The following KLC4 variants were observed in gnomAD, a reference collection of about 807,000 sequenced individuals.
KLC4 encodes kinesin-like protein 8.
KLC4 carries 49 observed loss-of-function variants against 77.2 expected under a neutral mutation model. The observed-to-expected ratio is 0.63, with a 90% confidence interval of 0.50 to 0.80. The LOEUF (loss-of-function observed/expected upper bound fraction) is 0.80. KLC4 is among the 30% of genes least tolerant of loss of function. The pLI is 0.00. For missense variants in KLC4, 669 were observed against 793.5 expected (o/e 0.84, Z 1.89); for synonymous variants, 274 against 314.5 (o/e 0.87, Z 1.36).
intron 8 of KLC4, 32 bp downstream of exon 8, chr6:43,070,897 A>C: frequency 4.0e-6 from 2 of 504,046 alleles, no homozygotes; most frequent in East Asian, 6.9e-5. Flanking sequence ...AGGTGGAAGA[A>C]ACGGAGAGGG....
chr6:43,066,231 A>G, intron 4 of KLC4, 75 bp from the exon 5 acceptor site: 2 of 1,233,874 alleles, frequency 1.6e-6, no homozygotes, highest in South Asian at 1.2e-5. Flanking sequence ...GGAACAAGAC[A>G]TGCAATGGGG....
chr6:43,071,773 C>A, intron 10 of KLC4, 79 bp from the exon 11 acceptor site: 1 of 1,518,996 alleles, frequency 6.6e-7, no homozygotes, highest in Non-Finnish European at 9.0e-7. Flanking sequence ...TAGCCCCATG[C>A]CACCTTGCAT....
intron 15 of KLC4, chr6:43,074,292 AGAT>A (rs1488582216): frequency 2.2e-6 from 1 of 456,736 alleles, no homozygotes; most frequent in Admixed American, 3.9e-5. Flanking sequence ...CCTTAGTAGT[AGAT>A]GAGAATGGAA....
At position 43,061,537 on chromosome 6, in the gene KLC4, G is replaced by T. The variant is rs1340139129; in HGVS notation, c.202G>T (p.Ala68Ser). ...GHEEGLVHEK[A>S]RQLRRSMENI... ...TGAGGAAGGGCTGGTGCATGAGAAG[G>T]CCCGGCAGCTTCGCCGTTCTATGGA... is the stretch of plus-strand genomic sequence containing the variant. Residue 68 changes from alanine (A) to serine (S), a missense_variant, in exon 2 of 16, where the codon GCC (alanine) becomes TCC (serine). By Grantham distance (99) the Ala-to-Ser change is moderately conservative (BLOSUM62 1). Transcript: ENST00000347162. 1 of 1,613,998 alleles carries T rather than the reference G, an allele frequency of 6.2e-7. No homozygotes were observed. The highest frequency in any genetic ancestry group is 2.2e-5 in the East Asian group (1 of 44,876).
At chr6:43,065,814 C>A (rs796959794) in intron 4 of KLC4, 113 bp downstream of exon 4, 1 of 716,098 alleles carries the variant, frequency 1.4e-6, no homozygotes. Flanking sequence ...TCTCCACTTT[C>A]TCTGGAGACA....
chr6:43,067,208 A>G (rs1309839646), intron 6 of KLC4, 125 bp downstream of exon 6: 16 of 1,450,572 alleles, frequency 1.1e-5, no homozygotes, highest in African/African-American at 1.4e-5. Flanking sequence ...AAGGAGGCAT[A>G]AGAAGTCCTT....
chr6:43,061,117 C>T (rs1166155036), intron 1 of KLC4, 194 bp from the exon 2 acceptor site: 4 of 605,062 alleles, frequency 6.6e-6, no homozygotes, highest in Admixed American at 3.0e-5. Flanking sequence ...ATCTCCCTCT[C>T]GCTTTGCCCA....
chr6:43,070,769 T>C lies in KLC4; in HGVS notation c.1059T>C (p.Tyr353=), dbSNP rs1384283710. ...TCTTGTGCCAAAACCAGGGCAAGTATGAGGCCGTGGAACGCTACTACCAGC... is the reference window on the plus strand; with the variant it reads ...TCTTGTGCCAAAACCAGGGCAAGTACGAGGCCGTGGAACGCTACTACCAGC... ...LALLCQNQGK[Y]EAVERYYQRA... is the part of the protein sequence containing the mutation. Residue 353 remains tyrosine, a synonymous_variant, in exon 8 of 16, where the codon TAT becomes TAC. Coordinates refer to ENST00000347162, the MANE Select transcript of KLC4 (RefSeq NM_201521.3). 2 of 1,614,124 alleles carry C rather than the reference T, an allele frequency of 1.2e-6. No individual in the cohort carries two copies. The highest frequency in any genetic ancestry group is 1.1e-5 in the South Asian group (1 of 91,078).
rs753973800 is a variant in KLC4 at position 43,067,158 on chromosome 6, C to T, written c.879+75C>T. 4 of 1,341,484 alleles carry T rather than the reference C, an allele frequency of 3.0e-6. No individual in the cohort carries two copies. In the East Asian group the frequency reaches 1.7e-4, roughly 58 times the overall value. 83.1% of individuals were successfully genotyped at this position (1,341,484 alleles called of 1,614,324 possible). Reference sequence around the variant, plus strand: ...GCTGTTTTGGCCTCTCTTAGCTCATCCATCTGCTGCCCTCAGTCCACTCAC... The same window carrying T: ...GCTGTTTTGGCCTCTCTTAGCTCATTCATCTGCTGCCCTCAGTCCACTCAC... On this transcript the variant is annotated intron_variant, in intron 6 of 15. Transcript: ENST00000347162.
At chr6:43,072,016 C>T in intron 11 of KLC4, 94 bp downstream of exon 11, 1 of 1,425,172 alleles carries the variant, frequency 7.0e-7, no homozygotes, top group South Asian at 1.2e-5. Context: ...CTCCCGTAGA[C>T]TTTCCCTCAG....
chr6:43,074,779 G>A lies in KLC4; in HGVS notation c.*107G>A. 2.2e-6 allele frequency: 2 copies of A among 923,878 alleles called. No individual in the cohort carries two copies. Among genetic ancestry groups the A allele is most frequent in the Non-Finnish European group, 3.6e-6 (2 of 562,634 alleles). The allele number at this position is 923,878 out of a possible 1,614,324, so 57.2% of individuals were successfully genotyped here. A position where few individuals can be genotyped will look rare whatever the true frequency, so the allele number is the denominator to read the frequency against. On this transcript the variant is annotated 3_prime_UTR_variant, in exon 16 of 16. Transcript: ENST00000347162. ...CCACCCCTAGGTGGGACAGTGAAGG[G>A]GAGCAGTTTAACCAGAAGATTGCTG...
intron 2 of KLC4, chr6:43,062,579 A>G: frequency 3.3e-6 from 1 of 304,002 alleles, no homozygotes; most frequent in South Asian, 3.6e-5. Flanking sequence ...AACTATTGGA[A>G]TGTTTTTAGA....
chr6:43,074,785 G>A lies in KLC4; in HGVS notation c.*113G>A, dbSNP rs1765909707. 1 of 863,414 alleles carries A rather than the reference G, an allele frequency of 1.2e-6. No homozygotes were observed. Among genetic ancestry groups the A allele is most frequent in the Non-Finnish European group, 2.0e-6 (1 of 512,096 alleles). 53.5% of individuals were successfully genotyped at this position (863,414 alleles called of 1,614,324 possible). On this transcript the variant is annotated 3_prime_UTR_variant, in exon 16 of 16. Transcript: ENST00000347162. ...CTAGGTGGGACAGTGAAGGGGAGCA[G>A]TTTAACCAGAAGATTGCTGCTGCCC...
chr6:43,061,642 A>T lies in KLC4; in HGVS notation c.258+49A>T, dbSNP rs1319129827. Reference sequence around the variant, plus strand: ...AGTGGTCCAGGGTGGATGGAGGAGCAGTTATCTGATTAAAGGTTTGGGGCT... The same window carrying T: ...AGTGGTCCAGGGTGGATGGAGGAGCTGTTATCTGATTAAAGGTTTGGGGCT... On this transcript the variant is annotated intron_variant, in intron 2 of 15. Transcript: ENST00000347162. 4 of 1,555,456 alleles carry T rather than the reference A, an allele frequency of 2.6e-6. 1 individual carries two copies. In the South Asian group the frequency reaches 3.6e-5, roughly 14 times the overall value.
chr6:43,059,939 C>T, intron 1 of KLC4: 1 of 1,294,224 alleles, frequency 7.7e-7, no homozygotes, highest in Non-Finnish European at 9.8e-7. Context: ...GCTGGAGCTG[C>T]GGACCTCAGT....
rs765396736 is a variant in KLC4 at position 43,072,784 on chromosome 6, T to G, written c.1489-40T>G. ...ATTTGAAAGCCCCATCCTGAGGAGT[T>G]AAGGAGTAGGAAGTCCCAGGTCCTT... On this transcript the variant is annotated intron_variant, in intron 12 of 15. Transcript: ENST00000347162. 1.9e-6 allele frequency: 3 copies of G among 1,604,634 alleles called. No individual in the cohort carries two copies. The Admixed American group carries it at 5.2e-5, about 28-fold the overall frequency.
chr6:43,060,057 C>G (rs1355776743), intron 1 of KLC4: 1 of 1,514,106 alleles, frequency 6.6e-7, no homozygotes, highest in South Asian at 1.3e-5. Context: ...GTTTCCAGGC[C>G]CAGGAGACCC....
chr6:43,071,676 C>T, intron 10 of KLC4, 57 bp downstream of exon 10: 1 of 1,562,316 alleles, frequency 6.4e-7, no homozygotes, highest in Non-Finnish European at 8.8e-7. Context: ...GGGTCTCTGT[C>T]TTACTCCTTG....
In KLC4 at chr6:43,073,977, G is replaced by A; in HGVS notation, c.1809+12G>A. 1.3e-6 allele frequency: 2 copies of A among 1,595,970 alleles called. No homozygotes were observed. The highest frequency in any genetic ancestry group is 1.7e-6 in the Non-Finnish European group (2 of 1,171,354). ...CAGCACCCCTCCAGGTGAGAGCAGT[G>A]CTTGTGAGCATATTGGTGGGTGAGG... On this transcript the variant is annotated intron_variant, in intron 15 of 15. Coordinates refer to ENST00000347162, the MANE Select transcript of KLC4 (RefSeq NM_201521.3).
Sources: allele counts gnomAD v4.1 joint callset, GRCh38; gene constraint gnomAD v4.1.1; transcripts MANE v1.5; gene names NCBI Gene and HGNC (gene_info 2026-07-23, HGNC 2026-07-21).